Variants in EDARADD observed in about 807,000 individuals in gnomAD.
The protein encoded by EDARADD is ectodysplasin-A receptor-associated adapter protein.
Under a neutral mutation model 25.6 loss-of-function variants are expected in EDARADD, and 20 were observed. The observed-to-expected ratio is 0.78, with a 90% CI of 0.55 to 1.14. The LOEUF (loss-of-function observed/expected upper bound fraction) is 1.14, where lower values mean the gene tolerates loss of function less well. Among genes scored for constraint, EDARADD ranks in the 50% most tolerant of loss-of-function variants. The probability of loss-of-function intolerance (pLI) is 0.00; values close to 1 mark genes in which losing one functional copy is unlikely to be tolerated. For missense variants in EDARADD, 225 were observed against 270.1 expected (o/e 0.83, Z 1.17); for synonymous variants, 86 against 94.4 (o/e 0.91, Z 0.52).
chr1:236,415,914 G>T (rs1015347922), intron 3 of EDARADD, among the ~76,000 whole-genome samples: 4 of 152,190 alleles, frequency 2.6e-5, no homozygotes, highest in African/African-American at 9.7e-5. Context: ...TGGTCACCAT[G>T]GAGGGGTAGG....
At chr1:236,463,518 C>G (rs1415726700) in intron 4 of EDARADD, among the ~76,000 whole-genome samples, 1 of 152,212 alleles carries the variant, frequency 6.6e-6, no homozygotes, top group Non-Finnish European at 1.5e-5. Flanking sequence ...GTCTCGAACT[C>G]CCGACCTCAG....
chr1:236,386,197 A>C (rs868797485), intron 3 of EDARADD, among the ~76,000 whole-genome samples: 4,719 of 33,144 alleles, frequency 0.14, 2,200 homozygotes, highest in Non-Finnish European at 0.2. Context: ...TTGCAGACGG[A>C]GTCTCGTTCA....
chr1:236,389,894 A>C (rs1667399726), upstream of EDARADD, among the ~76,000 whole-genome samples: 1 of 152,144 alleles, frequency 6.6e-6, no homozygotes, highest in Non-Finnish European at 1.5e-5. Flanking sequence ...CTGTAGTCCC[A>C]GACACTCAAG....
chr1:236,395,188 G>T lies in EDARADD; in HGVS notation c.61+683G>T, dbSNP rs1163152587. ...CCCGCGACTGCAGCCGTTTCTTAAG[G>T]CCAGTCCTTCGCTCGCAGTCTGTCC... On this transcript the variant is annotated intron_variant, in intron 1 of 5. Coordinates refer to ENST00000334232, the MANE Select transcript of EDARADD (RefSeq NM_145861.4). This position sits in a 1 kb window ranked among gnomAD's most constrained non-coding sequence, Gnocchi z 6.9. 6.6e-6 allele frequency among the ~76,000 whole-genome samples: 1 copy of T among 152,206 alleles called. No individual in the cohort carries two copies. The highest frequency in any genetic ancestry group is 2.4e-5 in the African/African-American group (1 of 41,460).
intron 4 of EDARADD, among the ~76,000 whole-genome samples, chr1:236,442,849 T>C (rs1327525589): frequency 6.6e-6 from 1 of 152,210 alleles, no homozygotes; most frequent in Non-Finnish European, 1.5e-5. Context: ...ATATCCATAG[T>C]GCAGCTGCTA....
Position 236,483,739 on chromosome 1 carries a change from TGAA to T in EDARADD, c.*1094_*1096del. 1 of 1,514,326 alleles carries T rather than the reference TGAA, an allele frequency of 6.6e-7. No individual in the cohort carries two copies. Among genetic ancestry groups the T allele is most frequent in the Non-Finnish European group, 9.2e-7 (1 of 1,090,968 alleles). 93.8% of individuals were successfully genotyped at this position (1,514,326 alleles called of 1,614,324 possible). A position where few individuals can be genotyped will look rare whatever the true frequency, so the allele number is the denominator to read the frequency against. ...ATTGGAGCGGAGGTTTACCACAGCC[TGAA>T]GAATGTCATCAAGGAGAAATATGGG... On this transcript the variant is annotated 3_prime_UTR_variant, in exon 6 of 6. Coordinates refer to ENST00000334232, the MANE Select transcript of EDARADD (RefSeq NM_145861.4).
intron 4 of EDARADD, among the ~76,000 whole-genome samples, chr1:236,461,910 C>T (rs1465391438): frequency 6.6e-6 from 1 of 152,186 alleles, no homozygotes; most frequent in Non-Finnish European, 1.5e-5. Flanking sequence ...TTAAACTAGC[C>T]CCTAAGGGAC....
chr1:236,368,264 A>C (rs1667131952), intron 3 of EDARADD, among the ~76,000 whole-genome samples: 1 of 152,196 alleles, frequency 6.6e-6, no homozygotes, highest in Non-Finnish European at 1.5e-5. Flanking sequence ...TCTGGCCGGC[A>C]TTTAAGGTCT....
intron 4 of EDARADD, among the ~76,000 whole-genome samples, chr1:236,432,800 G>T (rs1238920554): frequency 4.2e-4 from 64 of 152,110 alleles, no homozygotes; most frequent in Non-Finnish European, 7.4e-5. Context: ...CAGGAGAATT[G>T]CTTGAACTCA....
Position 236,483,187 on chromosome 1 carries a change from C to T in EDARADD, c.*538C>T. 1 of 1,569,072 alleles carries T rather than the reference C, an allele frequency of 6.4e-7. No homozygotes were observed. Among genetic ancestry groups the T allele is most frequent in the Non-Finnish European group, 8.8e-7 (1 of 1,141,288 alleles). On this transcript the variant is annotated 3_prime_UTR_variant, in exon 6 of 6. Transcript: ENST00000334232. Reference sequence around the variant, plus strand: ...ACCATGTCTATTCTCAAGATCCATGCCAGGGAGCTCTTTGACTCTCGTGGG... The same window carrying T: ...ACCATGTCTATTCTCAAGATCCATGTCAGGGAGCTCTTTGACTCTCGTGGG...
chr1:236,478,899 A>G (rs1426314597), intron 5 of EDARADD, among the ~76,000 whole-genome samples: 3 of 152,082 alleles, frequency 2.0e-5, no homozygotes, highest in Admixed American at 6.6e-5. Context: ...CTGTTATTCT[A>G]AGTGAAGTAA....
At chr1:236,420,983 C>T (rs1427004534) in intron 3 of EDARADD, among the ~76,000 whole-genome samples, 1 of 146,756 alleles carries the variant, frequency 6.8e-6, no homozygotes, top group African/African-American at 2.5e-5. Context: ...ATCCACCTGT[C>T]TCGGCCTCCC....
At chr1:236,423,967 G>A (rs1423279662) in intron 3 of EDARADD, among the ~76,000 whole-genome samples, 23 of 152,046 alleles carry the variant, frequency 1.5e-4, no homozygotes, top group Admixed American at 1.3e-3. Flanking sequence ...TTAGCCGGGC[G>A]TGGTGGTCGG....
intron 3 of EDARADD, among the ~76,000 whole-genome samples, chr1:236,354,192 G>A (rs549177068): frequency 4.9e-4 from 75 of 152,234 alleles, no homozygotes; most frequent in African/African-American, 1.6e-3. Flanking sequence ...ATACCAAGTA[G>A]GTATTGCAGC....
At chr1:236,365,966 T>C (rs970860255) in intron 3 of EDARADD, among the ~76,000 whole-genome samples, 7 of 152,222 alleles carry the variant, frequency 4.6e-5, no homozygotes, top group African/African-American at 1.4e-4. Flanking sequence ...TTGATTTGGG[T>C]ATTTTAAAAA....
At chr1:236,388,788 T>G (rs1343187967) in intron 3 of EDARADD, among the ~76,000 whole-genome samples, 1 of 152,194 alleles carries the variant, frequency 6.6e-6, no homozygotes, top group African/African-American at 2.4e-5. Flanking sequence ...CAAGTCCACC[T>G]TCTTGTCTTA....
At chr1:236,428,812 G>C (rs559809112) in intron 4 of EDARADD, among the ~76,000 whole-genome samples, 12 of 151,530 alleles carry the variant, frequency 7.9e-5, no homozygotes, top group Non-Finnish European at 1.2e-4. Flanking sequence ...TGTAGCGAGC[G>C]GAGATCACGC....
intron 3 of EDARADD, among the ~76,000 whole-genome samples, chr1:236,359,337 C>A (rs1249461425): frequency 6.6e-6 from 1 of 152,170 alleles, no homozygotes; most frequent in Admixed American, 6.5e-5. Context: ...GAGGGCTCTG[C>A]CCTCATTAAT....
chr1:236,354,069 T>G (rs1228647378), intron 3 of EDARADD, among the ~76,000 whole-genome samples: 2 of 152,156 alleles, frequency 1.3e-5, no homozygotes, highest in Admixed American at 1.3e-4. Context: ...AGCCTTGCCT[T>G]TGTAATCCTG....
Sources: gnomAD v4.1 joint callset for allele counts (sites outside exome capture counted in the v4.1 genomes callset) on GRCh38, gnomAD v4.1.1 for gene constraint, Gnocchi (gnomAD v3.1) non-coding constraint, MANE v1.5 for transcripts, NCBI Gene and HGNC (gene_info 2026-07-23, HGNC 2026-07-21) for gene names.